Variants in ZC3H7A observed in about 807,000 individuals in gnomAD.
ZC3H7A encodes the protein zinc finger CCCH-type containing 7A.
Under a neutral mutation model 125.5 loss-of-function variants are expected in ZC3H7A, and 44 were observed. The ratio of observed to expected loss-of-function variants is 0.35; its 90% CI spans 0.28 to 0.45. The LOEUF is 0.45. ZC3H7A is among the 20% of genes least tolerant of loss of function. ZC3H7A has a pLI of 1.00. For missense variants in ZC3H7A, 977 were observed against 1,170.7 expected (o/e 0.83, Z 2.41); for synonymous variants, 399 against 391.2 (o/e 1.02, Z -0.23).
chr16:11,767,709 C>T, intron 12 of ZC3H7A, 131 bp from the exon 13 acceptor site: 3 of 891,466 alleles, frequency 3.4e-6, no homozygotes, highest in Non-Finnish European at 4.8e-6. Flanking sequence ...ACTTCCACAA[C>T]CCTAAAATGT....
intron 5 of ZC3H7A, 38 bp downstream of exon 5, chr16:11,776,713 T>C (rs1194573853): frequency 1.9e-6 from 3 of 1,564,144 alleles, no homozygotes; most frequent in African/African-American, 1.4e-5. Flanking sequence ...ATGATGTAAA[T>C]GGTTACGATG....
intron 1 of ZC3H7A, among the ~76,000 whole-genome samples, chr16:11,789,980 C>T (rs141987006): frequency 1.3e-5 from 2 of 148,536 alleles, no homozygotes; most frequent in African/African-American, 5.0e-5. Context: ...ACTCGAGACG[C>T]TAAGGCAGGA....
At chr16:11,785,768 C>T (rs1596403289) in intron 1 of ZC3H7A, among the ~76,000 whole-genome samples, 1 of 152,056 alleles carries the variant, frequency 6.6e-6, no homozygotes, top group African/African-American at 2.4e-5. Context: ...TACAGGCGCC[C>T]GCCACCACGC....
rs3972315 is a variant in ZC3H7A, at chr16:11,781,651, C to CATATATATATAT, written c.69-199_69-188dup. On this transcript the variant is annotated intron_variant, in intron 2 of 22. Transcript: ENST00000355758. ...AGTTATGGGAAAAAAAATACATATA[C>CATATATATATAT]ATATATATATATATATATATATACT... is the stretch of plus-strand genomic sequence containing the variant. Among the ~76,000 whole-genome samples the CATATATATATAT allele has an allele frequency of 4.6e-4, 66 of 145,034 alleles. 1 individual carries two copies. The highest frequency in any genetic ancestry group is 1.6e-3 in the African/African-American group (62 of 39,938).
chr16:11,791,130 C>T (rs1205515433), intron 1 of ZC3H7A, among the ~76,000 whole-genome samples: 1 of 147,454 alleles, frequency 6.8e-6, no homozygotes, highest in Non-Finnish European at 1.5e-5. Context: ...CACACACACA[C>T]ATCCCAATGC....
chr16:11,778,391 C>T (rs974412702), intron 4 of ZC3H7A, among the ~76,000 whole-genome samples: 6 of 135,366 alleles, frequency 4.4e-5, no homozygotes, highest in African/African-American at 1.1e-4. Flanking sequence ...GAGCCGAGAT[C>T]GTGCCACTGC....
chr16:11,789,271 A>AT lies in ZC3H7A; in HGVS notation c.-34-6884dup, dbSNP rs533011984. 1.8e-3 allele frequency among the ~76,000 whole-genome samples: 264 copies of AT among 149,438 alleles called. 1 individual carries two copies. Among genetic ancestry groups the AT allele is most frequent in the African/African-American group, 4.9e-3 (201 of 40,766 alleles). On this transcript the variant is annotated intron_variant, in intron 1 of 22. Coordinates refer to ENST00000355758, the MANE Select transcript of ZC3H7A (RefSeq NM_014153.4). ...TCTGTGTATATGTTTGTTTGTTTTT[A>AT]TTTTTTTTTTGAGACAAACTCTCGC... is the stretch of plus-strand genomic sequence containing the variant.
chr16:11,764,915 A>G (rs1251098741), intron 15 of ZC3H7A, 138 bp downstream of exon 15: 3 of 564,304 alleles, frequency 5.3e-6, no homozygotes, highest in Non-Finnish European at 9.1e-6. Context: ...AGACATTTTA[A>G]AATTTTGTCA....
intron 19 of ZC3H7A, among the ~76,000 whole-genome samples, chr16:11,760,114 G>GA (rs1215681251): frequency 0.024 from 296 of 12,456 alleles, no homozygotes; most frequent in African/African-American, 0.11. Context: ...GACAGAGCAA[G>GA]AAAAAATGAA....
At position 11,765,244 on chromosome 16, in the gene ZC3H7A, T is replaced by C. The variant is rs2052834955; in HGVS notation, c.1720-91A>G. The C allele has an allele frequency of 3.6e-6, 3 of 841,788 alleles. No homozygotes were observed. The highest frequency in any genetic ancestry group is 5.2e-6 in the Non-Finnish European group (3 of 574,796). 52.1% of individuals were successfully genotyped at this position (841,788 alleles called of 1,614,324 possible). ...TCCTAGTTTCAATATCATTACAAAA[T>C]TAATATTCAATATGAAGTTTTAATA... On this transcript the variant is annotated intron_variant, in intron 14 of 22. Transcript: ENST00000355758. This position sits in a 1 kb window ranked among gnomAD's most constrained non-coding sequence, Gnocchi z 4.8.
rs1053571278 is a variant in ZC3H7A, at chr16:11,797,250, G to C, written c.-161C>G. On this transcript the variant is annotated 5_prime_UTR_variant, in exon 1 of 23. Coordinates refer to ENST00000355758, the MANE Select transcript of ZC3H7A (RefSeq NM_014153.4). ...TCGCAGCTCTCCCTCGGTTAGCGGC[G>C]GCGGCAGCGGCTCGGTTGCGCCCGC... 5 of 151,058 alleles carry C rather than the reference G, an allele frequency of 3.3e-5. No individual in the cohort carries two copies. Among genetic ancestry groups the C allele is most frequent in the African/African-American group, 1.2e-4 (5 of 41,230 alleles). The allele number at this position is 151,058 out of a possible 1,614,324, so 9.4% of individuals were successfully genotyped here.
In ZC3H7A at chr16:11,758,515, T is replaced by TC; in HGVS notation, c.2343dup (p.Lys782GlufsTer14). The TC allele has an allele frequency of 6.2e-7, 1 of 1,613,654 alleles. No homozygotes were observed. The highest frequency in any genetic ancestry group is 8.5e-7 in the Non-Finnish European group (1 of 1,179,748). On this transcript the variant is annotated frameshift_variant, in exon 20 of 23. Transcript: ENST00000355758. LOFTEE classifies it high-confidence loss of function. ...CAGTTTCCAACATATTGACATTTTT[T>TC]CCCAGAAGCAATATGGTTGCACAGC...
chr16:11,770,038 C>T (rs770475325), intron 10 of ZC3H7A, among the ~76,000 whole-genome samples: 2 of 151,840 alleles, frequency 1.3e-5, no homozygotes, highest in African/African-American at 2.4e-5. Context: ...CCTCCTGACT[C>T]GGCCTCCCAA....
intron 1 of ZC3H7A, 81 bp from the exon 2 acceptor site, chr16:11,782,469 T>G: frequency 1.7e-6 from 2 of 1,161,200 alleles, no homozygotes; most frequent in Non-Finnish European, 2.6e-6. Context: ...ATCCAGACCT[T>G]GTCACACAAT....
intron 4 of ZC3H7A, among the ~76,000 whole-genome samples, chr16:11,778,582 T>G (rs1448677187): frequency 6.6e-6 from 1 of 152,182 alleles, no homozygotes; most frequent in Non-Finnish European, 1.5e-5. Context: ...GTATCTTCCC[T>G]GGATGACTTT....
At chr16:11,760,318 C>T (rs2052732417) in intron 19 of ZC3H7A, among the ~76,000 whole-genome samples, 1 of 152,074 alleles carries the variant, frequency 6.6e-6, no homozygotes, top group South Asian at 2.1e-4. Flanking sequence ...TATCAAAGTA[C>T]TTGATATACA....
chr16:11,758,673 GACTCT>G (rs1372386170), intron 19 of ZC3H7A, 134 bp from the exon 20 acceptor site: 10 of 627,440 alleles, frequency 1.6e-5, no homozygotes, highest in African/African-American at 9.3e-5. Flanking sequence ...AGATTAATTT[GACTCT>G]ACTCAAATTA....
At chr16:11,751,558 C>T (rs755896680) in intron 22 of ZC3H7A, 52 bp from the exon 23 acceptor site, 11 of 1,545,566 alleles carry the variant, frequency 7.1e-6, no homozygotes, top group South Asian at 2.4e-5. Context: ...TTCTAAAAAT[C>T]GTGTCATGAT....
Position 11,774,829 on chromosome 16 carries a change from G to T in ZC3H7A, c.619+151C>A, listed in dbSNP as rs773403694. On this transcript the variant is annotated intron_variant, in intron 8 of 22. Coordinates refer to ENST00000355758, the MANE Select transcript of ZC3H7A (RefSeq NM_014153.4). ...TCACTGGCACATCCAAAGGCACAAA[G>T]GGAGCATTGGAAATCATTTTCACTT... The T allele has an allele frequency of 1.3e-5, 13 of 995,116 alleles. 1 individual carries two copies. In the Admixed American group the frequency reaches 1.5e-4, roughly 11 times the overall value. The allele number at this position is 995,116 out of a possible 1,614,324, so 61.6% of individuals were successfully genotyped here.
Sources: gnomAD v4.1 joint callset for allele counts (sites outside exome capture counted in the v4.1 genomes callset) on GRCh38, gnomAD v4.1.1 for gene constraint, Gnocchi (gnomAD v3.1) non-coding constraint, MANE v1.5 for transcripts, NCBI Gene and HGNC (gene_info 2026-07-23, HGNC 2026-07-21) for gene names.